RBFOX1: variants seen among roughly 807,000 people sequenced by gnomAD.
RBFOX1 encodes the protein RNA binding fox-1 homolog 1.
In RBFOX1, 8 loss-of-function variants were observed where a neutral mutation model predicts 57.7. That is an observed-to-expected ratio of 0.14 (90% CI 0.08 to 0.25). RBFOX1 has a LOEUF of 0.25. Among genes scored for constraint, RBFOX1 ranks in the 10% least tolerant of loss-of-function variants. RBFOX1 has a pLI of 1.00. For missense variants in RBFOX1, 611 were observed against 548.5 expected (o/e 1.11, Z -1.14); for synonymous variants, 326 against 222.4 (o/e 1.47, Z -4.15).
intron 3 of RBFOX1, among the ~76,000 whole-genome samples, chr16:6,867,992 T>C (rs1363744478): frequency 1.3e-5 from 2 of 152,204 alleles, no homozygotes; most frequent in African/African-American, 4.8e-5. Context: ...TACTTGATTT[T>C]TTCTGAGAAG....
At position 6,019,145 on chromosome 16, in the gene RBFOX1, G is replaced by A. The variant is rs981721789; in HGVS notation, c.-974G>A. The A allele has an allele frequency of 1.1e-4, 106 of 984,480 alleles. No homozygotes were observed. Among genetic ancestry groups the A allele is most frequent in the Non-Finnish European group, 1.3e-4 (105 of 829,590 alleles). The allele number at this position is 984,480 out of a possible 1,614,324, so 61.0% of individuals were successfully genotyped here. ...CTCGCGCTCTCTCCGGCTCTCCTTT[G>A]TTTATTTTCTAATCTATATTTTTAC... is the stretch of plus-strand genomic sequence containing the variant. On this transcript the variant is annotated 5_prime_UTR_variant, in exon 1 of 16. Coordinates refer to ENST00000550418, the MANE Select transcript of RBFOX1 (RefSeq NM_018723.4). This position sits in a 1 kb window ranked among gnomAD's most constrained non-coding sequence, Gnocchi z 4.2.
intron 4 of RBFOX1, among the ~76,000 whole-genome samples, chr16:7,466,830 C>T (rs547314231): frequency 6.6e-6 from 1 of 152,144 alleles, no homozygotes; most frequent in Non-Finnish European, 1.5e-5. Flanking sequence ...GGACACCATA[C>T]TTCCAAAGGA....
intron 3 of RBFOX1, among the ~76,000 whole-genome samples, chr16:5,723,935 C>A (rs2052033273): frequency 6.6e-6 from 1 of 152,190 alleles, no homozygotes; most frequent in Non-Finnish European, 1.5e-5. Context: ...CACATTTTTC[C>A]ATTTAAAAAA....
chr16:5,851,552 C>T (rs561445104), intron 3 of RBFOX1, among the ~76,000 whole-genome samples: 3 of 152,262 alleles, frequency 2.0e-5, no homozygotes, highest in East Asian at 3.9e-4. Context: ...GAAAAGCAAA[C>T]GGTCAACAGC....
chr16:7,582,308 A>T (rs1456175613), intron 6 of RBFOX1, among the ~76,000 whole-genome samples: 1 of 152,214 alleles, frequency 6.6e-6, no homozygotes, highest in African/African-American at 2.4e-5. Flanking sequence ...AACCTTGTTC[A>T]TCACAAATAG....
chr16:6,298,996 G>C (rs1336628829), intron 1 of RBFOX1, among the ~76,000 whole-genome samples: 3 of 152,178 alleles, frequency 2.0e-5, no homozygotes, highest in Non-Finnish European at 4.4e-5. Flanking sequence ...TCAGGATCTT[G>C]ACCCCTTTCC....
At chr16:6,216,891 C>T (rs1196967099) in intron 1 of RBFOX1, among the ~76,000 whole-genome samples, 2 of 151,578 alleles carry the variant, frequency 1.3e-5, no homozygotes. Flanking sequence ...TCCGCTCTCC[C>T]TTGGAAGCTC....
intron 2 of RBFOX1, among the ~76,000 whole-genome samples, chr16:6,317,427 A>G (rs1354685001): frequency 1.3e-5 from 2 of 152,162 alleles, no homozygotes; most frequent in African/African-American, 4.8e-5. Context: ...CAAAGTAGAA[A>G]GAAATGCCAG....
intron 2 of RBFOX1, among the ~76,000 whole-genome samples, chr16:5,474,587 G>A (rs965936313): frequency 6.6e-6 from 1 of 152,102 alleles, no homozygotes; most frequent in African/African-American, 2.4e-5. Context: ...CCAGGAGGCA[G>A]AGGTTGCAGT....
At chr16:6,468,942 C>T (rs1193963755) in intron 2 of RBFOX1, among the ~76,000 whole-genome samples, 2 of 152,102 alleles carry the variant, frequency 1.3e-5, no homozygotes, top group African/African-American at 4.8e-5. Flanking sequence ...CTCCCTCCTT[C>T]CACCCTCCAC....
chr16:5,709,044 G>A (rs563823742), intron 3 of RBFOX1, among the ~76,000 whole-genome samples: 1 of 152,230 alleles, frequency 6.6e-6, no homozygotes, highest in African/African-American at 2.4e-5. Flanking sequence ...TCAGGATTTC[G>A]ATATTCAACC....
chr16:5,563,895 T>C (rs2045972481), intron 2 of RBFOX1, among the ~76,000 whole-genome samples: 1 of 152,228 alleles, frequency 6.6e-6, no homozygotes, highest in Non-Finnish European at 1.5e-5. Flanking sequence ...GTTACCATCA[T>C]TTATTTTCTT....
At chr16:5,514,151 T>A (rs1400737899) in intron 2 of RBFOX1, among the ~76,000 whole-genome samples, 2 of 152,150 alleles carry the variant, frequency 1.3e-5, no homozygotes, top group Non-Finnish European at 2.9e-5. Context: ...GCAGCAAGCA[T>A]CAGATTATCT....
chr16:5,512,348 C>G (rs940738988), intron 2 of RBFOX1, among the ~76,000 whole-genome samples: 5 of 152,244 alleles, frequency 3.3e-5, no homozygotes, highest in African/African-American at 1.2e-4. Context: ...GTATTGCAAT[C>G]AATTTCCCTC....
At chr16:6,135,080 G>A (rs2096657271) in intron 1 of RBFOX1, among the ~76,000 whole-genome samples, 1 of 152,064 alleles carries the variant, frequency 6.6e-6, no homozygotes, top group African/African-American at 2.4e-5. Flanking sequence ...CCACCTGTGA[G>A]TGAGAACATG....
At chr16:5,789,190 A>T (rs2054607887) in intron 3 of RBFOX1, among the ~76,000 whole-genome samples, 1 of 152,208 alleles carries the variant, frequency 6.6e-6, no homozygotes, top group Non-Finnish European at 1.5e-5. Flanking sequence ...GGTGAATTGA[A>T]GCATTTGTCT....
chr16:7,674,827 G>A (rs1167356212), intron 13 of RBFOX1, among the ~76,000 whole-genome samples: 1 of 152,156 alleles, frequency 6.6e-6, no homozygotes, highest in Non-Finnish European at 1.5e-5. Context: ...CCATTTATCG[G>A]ACTCGCTGCC....
intron 3 of RBFOX1, among the ~76,000 whole-genome samples, chr16:6,905,532 G>C (rs145900200): frequency 2.8e-5 from 4 of 145,288 alleles, no homozygotes; most frequent in Admixed American, 2.1e-4. Context: ...TAGCCTAGGG[G>C]ACAGAGTTAG....
intron 3 of RBFOX1, among the ~76,000 whole-genome samples, chr16:6,724,911 G>A (rs1247664668): frequency 6.6e-6 from 1 of 152,044 alleles, no homozygotes; most frequent in African/African-American, 2.4e-5. Flanking sequence ...TCCTGACCTT[G>A]CTGTAGCATT....
Sources: gnomAD v4.1 joint callset for allele counts (sites outside exome capture counted in the v4.1 genomes callset) on GRCh38, gnomAD v4.1.1 for gene constraint, Gnocchi (gnomAD v3.1) non-coding constraint, MANE v1.5 for transcripts, NCBI Gene and HGNC (gene_info 2026-07-23, HGNC 2026-07-21) for gene names.